The following CCDC12 variants were observed in gnomAD, a reference collection of about 807,000 sequenced individuals.
CCDC12 encodes the protein coiled-coil domain containing 12.
CCDC12 carries 28 observed loss-of-function variants against 25.7 expected under a neutral mutation model. The observed-to-expected ratio is 1.09, with a 90% CI of 0.81 to 1.50. The LOEUF (loss-of-function observed/expected upper bound fraction) is 1.50, where lower values mean the gene tolerates loss of function less well. CCDC12 is among the 40% of genes most tolerant of loss of function. The pLI, the probability that CCDC12 is intolerant of heterozygous loss-of-function variation, is 0.00. For missense variants in CCDC12, 198 were observed against 210.0 expected (o/e 0.94, Z 0.35); for synonymous variants, 75 against 87.7 (o/e 0.86, Z 0.81).
upstream of CCDC12, among the ~76,000 whole-genome samples, chr3:46,981,185 C>T (rs2035306729): frequency 1.3e-5 from 2 of 152,212 alleles, no homozygotes; most frequent in African/African-American, 4.8e-5. Flanking sequence ...TGGCTCACAC[C>T]TGTAATCCCA....
intron 4 of CCDC12, 47 bp from the exon 5 acceptor site, chr3:46,923,410 A>G (rs775565784): frequency 5.8e-6 from 9 of 1,554,394 alleles, no homozygotes; most frequent in Non-Finnish European, 7.8e-6. Context: ...CCACCCCAGG[A>G]CAAGGGGGAG....
chr3:46,940,640 T>C lies in CCDC12; in HGVS notation c.164+358A>G, dbSNP rs553864794. The C allele has an allele frequency of 3.3e-5, 8 of 243,582 alleles. No individual in the cohort carries two copies. The East Asian group carries it at 7.4e-4, about 23-fold the overall frequency. The allele number at this position is 243,582 out of a possible 1,614,324, so 15.1% of individuals were successfully genotyped here. A position where few individuals can be genotyped will look rare whatever the true frequency, so the allele number is the denominator to read the frequency against. ...CCAGAGGAGGTTGGATGAGGCTAGA[T>C]GGTCCAGGCAGAGCTTCACATGCCA... On this transcript the variant is annotated intron_variant, in intron 2 of 6. Coordinates refer to ENST00000683445, the MANE Select transcript of CCDC12 (RefSeq NM_001277074.2).
At chr3:46,932,955 C>T (rs977649176) in intron 2 of CCDC12, among the ~76,000 whole-genome samples, 1 of 152,230 alleles carries the variant, frequency 6.6e-6, no homozygotes, top group Non-Finnish European at 1.5e-5. Context: ...GAGCCGGAGG[C>T]AGAATCCACA....
At chr3:46,960,349 T>C (rs1174421308) in intron 1 of CCDC12, among the ~76,000 whole-genome samples, 1 of 152,132 alleles carries the variant, frequency 6.6e-6, no homozygotes, top group Non-Finnish European at 1.5e-5. Context: ...GCCTGAGTCA[T>C]GGACTCCTGG....
chr3:46,938,117 A>G (rs1362226092), intron 2 of CCDC12, among the ~76,000 whole-genome samples: 2 of 152,252 alleles, frequency 1.3e-5, no homozygotes, highest in African/African-American at 4.8e-5. Context: ...GCCAGATTAG[A>G]GCAAAGCAGA....
At chr3:46,935,822 T>C (rs1214102795) in intron 2 of CCDC12, among the ~76,000 whole-genome samples, 1 of 152,216 alleles carries the variant, frequency 6.6e-6, no homozygotes, top group Non-Finnish European at 1.5e-5. Flanking sequence ...TGTATGGGGA[T>C]AGGACAGGAT....
rs1332350357 is a variant in CCDC12, at chr3:46,968,380, CAGCGGAGA to C, written c.96+8249_96+8256del. On this transcript the variant is annotated intron_variant, in intron 1 of 6. Transcript: ENST00000683445. ...CGGGCCAGTTCCACCCACTGTCACC[CAGCGGAGA>C]AGGCTGCAGGACCACCTGGATGTCC... Among the ~76,000 whole-genome samples, 15 of 152,308 alleles carry C rather than the reference CAGCGGAGA, an allele frequency of 9.8e-5. No individual in the cohort carries two copies. The East Asian group carries it at 2.3e-3, about 23-fold the overall frequency.
At chr3:46,976,169 G>T in intron 1 of CCDC12, 1 of 328,516 alleles carries the variant, frequency 3.0e-6, no homozygotes, top group Non-Finnish European at 4.4e-6. Flanking sequence ...TGCACGAAAC[G>T]ACTCCGGCTG....
upstream of CCDC12, chr3:46,979,967 C>CGCGCCCCGCGCCTGCTGCACCTG (rs536171364): frequency 7.7e-4 from 204 of 263,356 alleles, 1 homozygote; most frequent in African/African-American, 4.3e-3. Context: ...CCCAGCTTCG[C>CGCGCCCCGCGCCTGCTGCACCTG]GCGCCCCGCG....
Position 46,925,501 on chromosome 3 carries a change from C to T in CCDC12, c.199G>A (p.Glu67Lys). 1 of 1,604,776 alleles carries T rather than the reference C, an allele frequency of 6.2e-7. No individual in the cohort carries two copies. The highest frequency in any genetic ancestry group is 8.5e-7 in the Non-Finnish European group (1 of 1,173,066). The stretch of plus-strand genomic sequence containing the variant: ...GGCACCCTCCTCTTCTTCAGGTCCT[C>T]ATCCTCCGGGACATAGTTCCGCAGC... Reference protein sequence around the residue: ...LRLRNYVPEDEDLKKRRVPQA... With the variant: ...LRLRNYVPEDKDLKKRRVPQA... Residue 67 changes from glutamate (E) to lysine (K), a missense_variant, in exon 3 of 7, where the codon GAG becomes AAG. By Grantham distance (56) the Glu-to-Lys change is moderately conservative. Coordinates refer to ENST00000683445, the MANE Select transcript of CCDC12 (RefSeq NM_001277074.2).
intron 1 of CCDC12, among the ~76,000 whole-genome samples, chr3:46,953,782 C>A (rs577372467): frequency 1.3e-5 from 2 of 152,194 alleles, no homozygotes. Context: ...AGACTAAGCC[C>A]TCTTAAATCA....
chr3:46,941,771 T>A (rs1007770082), intron 1 of CCDC12, among the ~76,000 whole-genome samples: 3 of 152,088 alleles, frequency 2.0e-5, no homozygotes, highest in African/African-American at 7.2e-5. Context: ...TAGGAAAGAC[T>A]GGGGAAAGAA....
chr3:46,951,446 A>G lies in CCDC12; in HGVS notation c.97-10381T>C, dbSNP rs77315665. ...TTGTAGAAACATCACGTTGTACACC[A>G]TAAATATACAGCTATTATTTATCAA... On this transcript the variant is annotated intron_variant, in intron 1 of 6. Coordinates refer to ENST00000683445, the MANE Select transcript of CCDC12 (RefSeq NM_001277074.2). Among the ~76,000 whole-genome samples the G allele has an allele frequency of 2.1e-3, 321 of 152,172 alleles. 3 individuals carry two copies. The highest frequency in any genetic ancestry group is 7.4e-3 in the African/African-American group (308 of 41,516).
chr3:46,979,639 A>G, upstream of CCDC12: 1 of 304,582 alleles, frequency 3.3e-6, no homozygotes, highest in Non-Finnish European at 6.0e-6. Context: ...ACTGCAGCGA[A>G]GTGCAGGAAG....
chr3:46,925,863 T>G (rs2032935328), intron 2 of CCDC12, among the ~76,000 whole-genome samples: 1 of 152,234 alleles, frequency 6.6e-6, no homozygotes, highest in Non-Finnish European at 1.5e-5. Context: ...ATAAGGGGAC[T>G]GGAGGTCAGA....
At chr3:46,974,836 G>T (rs2034915563) in intron 1 of CCDC12, among the ~76,000 whole-genome samples, 1 of 152,142 alleles carries the variant, frequency 6.6e-6, no homozygotes, top group African/African-American at 2.4e-5. Flanking sequence ...GCCCTCATTG[G>T]TCTGTCTCTG....
chr3:46,923,418 G>A (rs762362455), intron 4 of CCDC12, 55 bp from the exon 5 acceptor site: 6 of 1,557,260 alleles, frequency 3.9e-6, no homozygotes, highest in Non-Finnish European at 5.2e-6. Flanking sequence ...GGACAAGGGG[G>A]AGGGCAGGCT....
At chr3:46,943,220 G>A (rs574348605) in intron 1 of CCDC12, among the ~76,000 whole-genome samples, 186 of 152,290 alleles carry the variant, frequency 1.2e-3, no homozygotes, top group Admixed American at 2.7e-3. Flanking sequence ...TCCCAGGGCT[G>A]CTGGGACCTG....
chr3:46,976,615 A>G (rs775925734), intron 1 of CCDC12, 22 bp downstream of exon 1: 2 of 1,602,642 alleles, frequency 1.2e-6, no homozygotes, highest in South Asian at 1.1e-5. Flanking sequence ...CTCAACTGCG[A>G]CCCTCACTCC....
Sources: allele counts gnomAD v4.1 joint callset (sites outside exome capture counted in the v4.1 genomes callset), GRCh38; gene constraint gnomAD v4.1.1; transcripts MANE v1.5; gene names NCBI Gene and HGNC (gene_info 2026-07-23, HGNC 2026-07-21).